The following PRDM1 variants were observed in gnomAD, a reference collection of about 807,000 sequenced individuals.
PRDM1 encodes PR/SET domain 1, also known as PR domain zinc finger protein 1.
In PRDM1, 13 loss-of-function variants were observed where a neutral mutation model predicts 62.8. The observed-to-expected ratio is 0.21, with a 90% CI of 0.13 to 0.33. The LOEUF (loss-of-function observed/expected upper bound fraction) is 0.33, where lower values mean the gene tolerates loss of function less well. PRDM1 is among the 10% of genes least tolerant of loss of function. PRDM1 has a pLI of 1.00. For synonymous variants in PRDM1, 396 were observed against 417.6 expected (o/e 0.95, Z 0.63); for missense variants, 895 against 1,058.8 (o/e 0.85, Z 2.15).
chr6:106,107,403 C>T lies in PRDM1; in HGVS notation c.2395C>T (p.Leu799Phe), dbSNP rs1159037786. The change falls in exon 7 of 7, where the codon CTC becomes TTC. Residue 799 changes from leucine (L) to phenylalanine (F), a missense_variant. Physicochemically the swap from Leu to Phe is conservative, Grantham distance 22. Transcript: ENST00000369096. The stretch of plus-strand genomic sequence containing the variant: ...CCTTTATGAGTCATCAGATCTACCC[C>T]TCATGAAGTTGCCTCCCAGCAACCC... ...CSLYESSDLP[L>F]MKLPPSNPLP... is the part of the protein sequence containing the mutation. 2.5e-6 allele frequency: 4 copies of T among 1,614,144 alleles called. No homozygotes were observed. The highest frequency in any genetic ancestry group is 2.5e-6 in the Non-Finnish European group (3 of 1,180,024).
chr6:106,107,655 A>C lies in PRDM1; in HGVS notation c.*169A>C. On this transcript the variant is annotated 3_prime_UTR_variant, in exon 7 of 7. Transcript: ENST00000369096. ...GGAACTCCAAAGTTACTGAAATCTC[A>C]GGGCATGAACAAGGCAAAGGCCATA... 6 of 438,634 alleles carry C rather than the reference A, an allele frequency of 1.4e-5. No individual in the cohort carries two copies. The highest frequency in any genetic ancestry group is 4.0e-5 in the Admixed American group (1 of 25,112). 27.2% of individuals were successfully genotyped at this position (438,634 alleles called of 1,614,324 possible).
chr6:106,073,248 G>T (rs555086616), intron 1 of PRDM1, among the ~76,000 whole-genome samples: 8 of 151,982 alleles, frequency 5.3e-5, no homozygotes, highest in South Asian at 4.2e-4. Context: ...CCGAGTAGCT[G>T]GGATTACAGG....
At chr6:106,077,666 G>T (rs1470187318) in intron 1 of PRDM1, among the ~76,000 whole-genome samples, 1 of 152,244 alleles carries the variant, frequency 6.6e-6, no homozygotes, top group Non-Finnish European at 1.5e-5. Context: ...ATAACAGTTT[G>T]AAGGATAATT....
In PRDM1 at chr6:106,105,289, T is replaced by C; in HGVS notation, c.1129T>C (p.Leu377=). The change falls in exon 5 of 7, where the codon TTG becomes CTG. Residue 377 remains leucine (L), a synonymous_variant. Coordinates refer to ENST00000369096, the MANE Select transcript of PRDM1 (RefSeq NM_001198.4). Reference sequence around the variant, plus strand: ...AGAGCACCGGGACTCCTACGCTTACTTGAACGCGTCCTACGGCACGGAAGG... The same window carrying C: ...AGAGCACCGGGACTCCTACGCTTACCTGAACGCGTCCTACGGCACGGAAGG... ...SQEHRDSYAY[L]NASYGTEGLG... 1 of 1,613,780 alleles carries C rather than the reference T, an allele frequency of 6.2e-7. No individual in the cohort carries two copies. Among genetic ancestry groups the C allele is most frequent in the East Asian group, 2.2e-5 (1 of 44,848 alleles).
upstream of PRDM1, among the ~76,000 whole-genome samples, chr6:106,082,054 T>G (rs1236291302): frequency 6.6e-6 from 1 of 152,210 alleles, no homozygotes; most frequent in Non-Finnish European, 1.5e-5. Flanking sequence ...TGACCCACAG[T>G]CTTGCTCTCT....
At chr6:106,058,260 G>A (rs1351190881) in intron 1 of PRDM1, among the ~76,000 whole-genome samples, 2 of 152,146 alleles carry the variant, frequency 1.3e-5, no homozygotes, top group African/African-American at 4.8e-5. Context: ...GCCAAGTTGG[G>A]TTCTGGTGAA....
intron 1 of PRDM1, among the ~76,000 whole-genome samples, chr6:105,993,881 A>T (rs1772315413): frequency 1.3e-5 from 2 of 152,214 alleles, no homozygotes; most frequent in South Asian, 4.1e-4. Flanking sequence ...GGGACGTTGG[A>T]TTGATCATTA....
intron 1 of PRDM1, among the ~76,000 whole-genome samples, chr6:106,013,814 G>T (rs1411107865): frequency 6.6e-6 from 1 of 152,138 alleles, no homozygotes; most frequent in Non-Finnish European, 1.5e-5. Flanking sequence ...CTGTTCACTT[G>T]CTGGTTCTTC....
At chr6:106,044,855 T>A (rs1297698051), upstream of PRDM1, among the ~76,000 whole-genome samples, 9 of 152,192 alleles carry the variant, frequency 5.9e-5, no homozygotes, top group Admixed American at 5.9e-4. Flanking sequence ...GTGAACGTCA[T>A]TTTCATTGAG....
intron 1 of PRDM1, among the ~76,000 whole-genome samples, chr6:106,022,948 C>T (rs1383111379): frequency 6.6e-6 from 1 of 152,160 alleles, no homozygotes; most frequent in Non-Finnish European, 1.5e-5. Context: ...GGGTCTTTGC[C>T]CTTCAGTCTA....
chr6:106,050,956 T>C (rs1405066907), intron 1 of PRDM1, among the ~76,000 whole-genome samples: 1 of 152,230 alleles, frequency 6.6e-6, no homozygotes, highest in East Asian at 1.9e-4. Context: ...GAAAGAAATA[T>C]ATAAAAATAT....
At chr6:106,035,093 T>C (rs1772906904) in intron 1 of PRDM1, among the ~76,000 whole-genome samples, 2 of 152,242 alleles carry the variant, frequency 1.3e-5, no homozygotes, top group African/African-American at 4.8e-5. Flanking sequence ...CTCTATTTCC[T>C]TATTTCTCTC....
chr6:105,998,933 A>ATATATATTTT (rs1290453454), intron 1 of PRDM1, among the ~76,000 whole-genome samples: 1 of 6,402 alleles, frequency 1.6e-4, no homozygotes, highest in Non-Finnish European at 2.6e-4. Context: ...ATATATATAT[A>ATATATATTTT]TTTTTTTTTT....
intron 1 of PRDM1, among the ~76,000 whole-genome samples, chr6:106,018,919 C>T (rs1446957389): frequency 1.3e-5 from 2 of 151,928 alleles, no homozygotes; most frequent in Non-Finnish European, 2.9e-5. Context: ...GAATTATGTT[C>T]CACCTCCTTG....
intron 1 of PRDM1, among the ~76,000 whole-genome samples, chr6:105,995,409 A>G (rs1314090656): frequency 6.6e-6 from 1 of 152,244 alleles, no homozygotes; most frequent in Non-Finnish European, 1.5e-5. Context: ...ACAGAAACGG[A>G]TAACAAAATT....
chr6:106,066,130 C>T (rs1031685840), intron 1 of PRDM1, among the ~76,000 whole-genome samples: 1 of 152,136 alleles, frequency 6.6e-6, no homozygotes, highest in Non-Finnish European at 1.5e-5. Context: ...TTTCCGCTTG[C>T]TCCTTCCAAA....
At chr6:106,103,290 C>T (rs970591365) in intron 4 of PRDM1, among the ~76,000 whole-genome samples, 2 of 152,064 alleles carry the variant, frequency 1.3e-5, no homozygotes, top group African/African-American at 4.8e-5. Flanking sequence ...CTAGAGAATA[C>T]ATTTAAAGGG....
chr6:106,107,297 C>T lies in PRDM1; in HGVS notation c.2289C>T (p.Val763=), dbSNP rs1032099738. The T allele has an allele frequency of 3.7e-6, 6 of 1,613,910 alleles. No homozygotes were observed. In the African/African-American group the frequency reaches 5.3e-5, roughly 14 times the overall value. Residue 763 remains valine (V), a synonymous_variant, in exon 7 of 7, where the codon GTC becomes GTT. Coordinates refer to ENST00000369096, the MANE Select transcript of PRDM1 (RefSeq NM_001198.4). ...SVVEKEILAV[V]RKEKEETGLK... ...TGGAGAAGGAAATTCTGGCCGTGGT[C>T]AGAAAAGAGAAAGAAGAAACTGGCC...
chr6:106,032,398 C>T (rs961511536), intron 1 of PRDM1, among the ~76,000 whole-genome samples: 4 of 149,770 alleles, frequency 2.7e-5, no homozygotes, highest in African/African-American at 7.4e-5. Context: ...ACTCTGGGCT[C>T]AAGTGATCCA....
Sources: allele counts gnomAD v4.1 joint callset (sites outside exome capture counted in the v4.1 genomes callset), GRCh38; gene constraint gnomAD v4.1.1; transcripts MANE v1.5; gene names NCBI Gene and HGNC (gene_info 2026-07-23, HGNC 2026-07-21).